Variants in ITPR2 observed in about 807,000 individuals in gnomAD.
ITPR2 encodes inositol 1,4,5-trisphosphate receptor type 2, also known as inositol 1,4,5-trisphosphate-gated calcium channel ITPR2.
A neutral mutation model predicts 317.1 loss-of-function variants in ITPR2; 207 were observed. That is an observed-to-expected ratio of 0.65 (90% CI 0.58 to 0.73). The LOEUF is 0.73. ITPR2 is among the 30% of genes least tolerant of loss of function. ITPR2 has a pLI of 0.00. For missense variants in ITPR2, 2,613 were observed against 3,284.0 expected, an observed-to-expected ratio of 0.80 and a Z score of 4.99; for synonymous variants, 1,156 against 1,149.1, an observed-to-expected ratio of 1.01 and a Z score of -0.12.
chr12:26,823,836 C>A (rs1431262868), intron 1 of ITPR2, among the ~76,000 whole-genome samples: 1 of 151,732 alleles, frequency 6.6e-6, no homozygotes, highest in Non-Finnish European at 1.5e-5. Context: ...ATTTCAATTA[C>A]ACACACACAC....
intron 46 of ITPR2, among the ~76,000 whole-genome samples, chr12:26,439,586 G>C (rs1430571588): frequency 6.6e-6 from 1 of 152,130 alleles, no homozygotes; most frequent in Non-Finnish European, 1.5e-5. Flanking sequence ...TTCTGGGTTA[G>C]CATTACACTT....
chr12:26,708,763 A>C (rs1212057839), intron 9 of ITPR2, among the ~76,000 whole-genome samples: 1 of 152,190 alleles, frequency 6.6e-6, no homozygotes, highest in East Asian at 1.9e-4. Flanking sequence ...GTAGAATTGG[A>C]ATGTTCCTAA....
chr12:26,666,162 A>ATAGATAGATAGAT (rs34107444), intron 13 of ITPR2, 111 bp from the exon 14 acceptor site: 93,622 of 398,500 alleles, frequency 0.23, 11,120 homozygotes, highest in Non-Finnish European at 0.28. Flanking sequence ...AGATAGATAG[A>ATAGATAGATAGAT]TTTTTTTTTA....
At chr12:26,713,249 C>T (rs149840102) in intron 8 of ITPR2, among the ~76,000 whole-genome samples, 96 of 152,292 alleles carry the variant, frequency 6.3e-4, no homozygotes, top group African/African-American at 2.3e-3. Context: ...CCAGCCCTTC[C>T]AATCATGTTG....
chr12:26,547,086 G>A (rs1468644012), intron 37 of ITPR2, among the ~76,000 whole-genome samples: 1 of 152,124 alleles, frequency 6.6e-6, no homozygotes, highest in African/African-American at 2.4e-5. Flanking sequence ...CTGCACAGCA[G>A]AGGAAACACT....
At chr12:26,513,240 G>C (rs1286487520) in intron 37 of ITPR2, among the ~76,000 whole-genome samples, 2 of 152,060 alleles carry the variant, frequency 1.3e-5, no homozygotes, top group African/African-American at 4.8e-5. Flanking sequence ...TGTATGCCCA[G>C]GGGATTTCAC....
chr12:26,473,616 C>A, intron 45 of ITPR2, among the ~76,000 whole-genome samples: 1 of 152,210 alleles, frequency 6.6e-6, no homozygotes, highest in East Asian at 1.9e-4. Flanking sequence ...CTTCCCTCCA[C>A]AGTGCTACAG....
chr12:26,716,510 G>A (rs1948742472), intron 5 of ITPR2, among the ~76,000 whole-genome samples: 1 of 152,004 alleles, frequency 6.6e-6, no homozygotes, highest in South Asian at 2.1e-4. Flanking sequence ...ATTTCAGTTA[G>A]AGCTTCCTTA....
Position 26,682,629 on chromosome 12 carries a change from A to G in ITPR2, c.1193T>C (p.Val398Ala). ...GTCTATGGGGATACTAGTACTGGTT[A>G]CCCATGTGTTGGTGCATAAATGCCT... The part of the protein sequence containing the change: ...RLRHLCTNTW[V>A]TSTSIPIDTD... The change falls in exon 12 of 57, where the codon GTA (valine) becomes GCA (alanine). Residue 398 changes from valine (V) to alanine (A), a missense_variant. Physicochemically the swap from Val to Ala is moderately conservative, Grantham distance 64. Around this residue, in one of 9 missense-constraint regions of ITPR2, gnomAD observed 515 missense variants for 789.4 expected, o/e 0.65. Coordinates refer to ENST00000381340, the MANE Select transcript of ITPR2 (RefSeq NM_002223.4). 6.2e-7 allele frequency: 1 copy of G among 1,613,260 alleles called. No homozygotes were observed. Among genetic ancestry groups the G allele is most frequent in the Non-Finnish European group, 8.5e-7 (1 of 1,179,382 alleles).
At chr12:26,708,547 A>G (rs2137017139) in intron 9 of ITPR2, among the ~76,000 whole-genome samples, 1 of 152,312 alleles carries the variant, frequency 6.6e-6, no homozygotes, top group East Asian at 1.9e-4. Flanking sequence ...GCTAAAAATT[A>G]AAACAATTGA....
At chr12:26,568,680 G>A (rs186087999) in intron 34 of ITPR2, among the ~76,000 whole-genome samples, 101 of 152,250 alleles carry the variant, frequency 6.6e-4, no homozygotes, top group African/African-American at 2.4e-3. Flanking sequence ...AGGTAGGGGG[G>A]AAAGGCAACA....
At chr12:26,494,890 G>A (rs1228605575) in intron 38 of ITPR2, among the ~76,000 whole-genome samples, 1 of 149,222 alleles carries the variant, frequency 6.7e-6, no homozygotes, top group African/African-American at 2.5e-5. Context: ...AACAGAAAGA[G>A]AAAACTAGCT....
At position 26,476,937 on chromosome 12, in the gene ITPR2, A is replaced by C; in HGVS notation, c.6194T>G (p.Leu2065Arg). 2.5e-6 allele frequency: 4 copies of C among 1,613,318 alleles called. No homozygotes were observed. Among genetic ancestry groups the C allele is most frequent in the Non-Finnish European group, 3.4e-6 (4 of 1,179,382 alleles). Residue 2065 changes from leucine to arginine, a missense_variant, in exon 44 of 57, where the codon CTT becomes CGT. Leu to Arg is a moderately radical substitution (Grantham distance 102). Coordinates refer to ENST00000381340, the MANE Select transcript of ITPR2 (RefSeq NM_002223.4). Reference sequence around the variant, plus strand: ...CAGTTCTCTGGGTCTCATGTTAAAAAGAATTCTTTCTGCATTCTCACTGTC... The same window carrying C: ...CAGTTCTCTGGGTCTCATGTTAAAACGAATTCTTTCTGCATTCTCACTGTC... ...RHDSENAERI[L>R]FNMRPRELVD...
intron 34 of ITPR2, among the ~76,000 whole-genome samples, chr12:26,567,089 T>C (rs953925356): frequency 3.9e-5 from 6 of 152,164 alleles, no homozygotes; most frequent in Non-Finnish European, 7.4e-5. Context: ...TTAAACAAAT[T>C]GGGGAGGAGA....
intron 55 of ITPR2, among the ~76,000 whole-genome samples, chr12:26,344,647 C>T (rs890851258): frequency 6.6e-6 from 1 of 151,066 alleles, no homozygotes; most frequent in African/African-American, 2.4e-5. Flanking sequence ...ACTCCCTTTC[C>T]CTACACTCTC....
chr12:26,428,209 T>C (rs1335715034), intron 48 of ITPR2, 121 bp from the exon 49 acceptor site: 2 of 606,224 alleles, frequency 3.3e-6, no homozygotes, highest in African/African-American at 3.8e-5. Flanking sequence ...AATTTCAAAA[T>C]GACCCCATCT....
intron 37 of ITPR2, among the ~76,000 whole-genome samples, chr12:26,549,337 A>G (rs1206629098): frequency 6.6e-6 from 1 of 152,224 alleles, no homozygotes; most frequent in Non-Finnish European, 1.5e-5. Context: ...AATATTTTGA[A>G]GCAATGCTCT....
At chr12:26,722,309 CT>C (rs1315331508) in intron 5 of ITPR2, 87 bp downstream of exon 5, 5 of 1,202,494 alleles carry the variant, frequency 4.2e-6, no homozygotes, top group Non-Finnish European at 5.8e-6. Context: ...ACTATATTTT[CT>C]TTTTTGTACT....
chr12:26,461,820 T>C (rs186746177), intron 45 of ITPR2, among the ~76,000 whole-genome samples: 1 of 151,822 alleles, frequency 6.6e-6, no homozygotes, highest in Non-Finnish European at 1.5e-5. Context: ...TAGTCAATAA[T>C]ATAAATCCTG....
Sources: gnomAD v4.1 joint callset for allele counts (sites outside exome capture counted in the v4.1 genomes callset) on GRCh38, gnomAD v4.1.1 for gene constraint, gnomAD v4.1.1 regional missense constraint, MANE v1.5 for transcripts, NCBI Gene and HGNC (gene_info 2026-07-23, HGNC 2026-07-21) for gene names.